ZDHHC5: variants seen among roughly 807,000 people sequenced by gnomAD.
ZDHHC5 encodes zDHHC palmitoyltransferase 5, also known as palmitoyltransferase ZDHHC5.
ZDHHC5 carries 22 observed loss-of-function variants against 70.0 expected under a neutral mutation model. That is an observed-to-expected ratio of 0.31 (90% CI 0.22 to 0.45). The LOEUF (loss-of-function observed/expected upper bound fraction) is 0.45. Ranked by LOEUF, ZDHHC5 falls within the 20% of genes least tolerant of loss-of-function variation. The pLI is 1.00. For missense variants in ZDHHC5, 746 were observed against 926.9 expected (o/e 0.80, Z 2.53); for synonymous variants, 313 against 347.8 (o/e 0.90, Z 1.11).
At chr11:57,686,896 T>A (rs1946214659) in intron 3 of ZDHHC5, among the ~76,000 whole-genome samples, 1 of 151,682 alleles carries the variant, frequency 6.6e-6, no homozygotes, top group Admixed American at 6.6e-5. Context: ...AGTGGCATGA[T>A]CTTGGCTTAC....
intron 4 of ZDHHC5, 152 bp downstream of exon 4, chr11:57,688,817 A>G (rs190860857): frequency 7.7e-6 from 6 of 778,154 alleles, no homozygotes. Flanking sequence ...TAATAATGAC[A>G]TGGCATGAGA....
intron 3 of ZDHHC5, among the ~76,000 whole-genome samples, chr11:57,685,968 T>C (rs1453149175): frequency 6.6e-6 from 1 of 152,170 alleles, no homozygotes; most frequent in African/African-American, 2.4e-5. Flanking sequence ...TGGAGGTTAC[T>C]GTGAGCTGAG....
chr11:57,698,001 G>T (rs1946377156), intron 10 of ZDHHC5, among the ~76,000 whole-genome samples: 1 of 151,920 alleles, frequency 6.6e-6, no homozygotes, highest in Non-Finnish European at 1.5e-5. Flanking sequence ...GGGCGTGGTG[G>T]CGGGGCGCCT....
At chr11:57,677,856 T>C (rs1378388238) in intron 2 of ZDHHC5, among the ~76,000 whole-genome samples, 1 of 152,192 alleles carries the variant, frequency 6.6e-6, no homozygotes, top group Non-Finnish European at 1.5e-5. Flanking sequence ...TGCCTTTTCC[T>C]TCTCACATTG....
intron 6 of ZDHHC5, among the ~76,000 whole-genome samples, chr11:57,691,191 G>C (rs1946281129): frequency 6.6e-6 from 1 of 151,736 alleles, no homozygotes; most frequent in South Asian, 2.1e-4. Context: ...CCTGCCTCAG[G>C]CTCCCAAGTA....
chr11:57,683,473 T>C (rs1048441692), intron 3 of ZDHHC5, among the ~76,000 whole-genome samples: 1 of 152,170 alleles, frequency 6.6e-6, no homozygotes, highest in Non-Finnish European at 1.5e-5. Flanking sequence ...TTATCTAGAG[T>C]AGTTTCAAGG....
Position 57,668,181 on chromosome 11 carries a change from C to T in ZDHHC5, c.-1077C>T. 5.5e-6 allele frequency: 2 copies of T among 366,340 alleles called. No individual in the cohort carries two copies. The highest frequency in any genetic ancestry group is 9.7e-6 in the Non-Finnish European group (2 of 205,592). 22.7% of individuals were successfully genotyped at this position (366,340 alleles called of 1,614,324 possible). ...GACGGCGGTGGTGACGGGCACCGGG[C>T]TCGCGGGTGAGTGCGGAGGACACCG... On this transcript the variant is annotated 5_prime_UTR_variant, in exon 1 of 12. Coordinates refer to ENST00000287169, the MANE Select transcript of ZDHHC5 (RefSeq NM_015457.3).
chr11:57,674,639 T>C (rs527934037), intron 2 of ZDHHC5, among the ~76,000 whole-genome samples: 1 of 152,182 alleles, frequency 6.6e-6, no homozygotes, highest in Non-Finnish European at 1.5e-5. Context: ...GAGGCAATTA[T>C]ACACAAGTTA....
chr11:57,672,504 A>G lies in ZDHHC5; in HGVS notation c.-587A>G. On this transcript the variant is annotated 5_prime_UTR_variant, in exon 2 of 12. Transcript: ENST00000287169. ...AAAAGAGACAAAGACTGCAGTAAACAAAGCTCCTCTTTAAAGTTGGAAGGG... is the reference window on the plus strand; with the variant it reads ...AAAAGAGACAAAGACTGCAGTAAACGAAGCTCCTCTTTAAAGTTGGAAGGG... 1 of 348,780 alleles carries G rather than the reference A, an allele frequency of 2.9e-6. No individual in the cohort carries two copies. The highest frequency in any genetic ancestry group is 5.1e-6 in the Non-Finnish European group (1 of 195,534). 21.6% of individuals were successfully genotyped at this position (348,780 alleles called of 1,614,324 possible). A position where few individuals can be genotyped will look rare whatever the true frequency, so the allele number is the denominator to read the frequency against.
intron 2 of ZDHHC5, among the ~76,000 whole-genome samples, chr11:57,676,704 A>T (rs1946075909): frequency 6.6e-6 from 1 of 151,730 alleles, no homozygotes; most frequent in Non-Finnish European, 1.5e-5. Flanking sequence ...TGAGGCTGGC[A>T]TATAGAGGCC....
Position 57,696,768 on chromosome 11 carries a change from C to T in ZDHHC5, c.1017C>T (p.Ser339=). The T allele has an allele frequency of 1.2e-6, 2 of 1,613,776 alleles. No homozygotes were observed. Among genetic ancestry groups the T allele is most frequent in the South Asian group, 1.1e-5 (1 of 91,078 alleles). The change falls in exon 10 of 12, where the codon AGC becomes AGT. Residue 339 remains serine, a synonymous_variant. Transcript: ENST00000287169. ...TGGCCTTTTTTCTTGCAGATAGTAGCTTATTGGCCAAGGACAGCCCCCCGA... is the reference window on the plus strand; with the variant it reads ...TGGCCTTTTTTCTTGCAGATAGTAGTTTATTGGCCAAGGACAGCCCCCCGA... ...HLGLATNEDS[S]LLAKDSPPTP...
intron 2 of ZDHHC5, among the ~76,000 whole-genome samples, chr11:57,676,845 G>C (rs182358828): frequency 4.4e-4 from 66 of 149,880 alleles, no homozygotes; most frequent in Middle Eastern, 3.5e-3. Flanking sequence ...GTCCAGTTAA[G>C]GTCTTATTTT....
intron 2 of ZDHHC5, among the ~76,000 whole-genome samples, chr11:57,679,358 C>T (rs541423934): frequency 6.6e-6 from 1 of 152,234 alleles, no homozygotes; most frequent in Admixed American, 6.5e-5. Flanking sequence ...GACAGAGTTT[C>T]ACCATGTTGG....
chr11:57,675,604 G>T (rs1042722078), intron 2 of ZDHHC5, among the ~76,000 whole-genome samples: 1 of 152,116 alleles, frequency 6.6e-6, no homozygotes, highest in African/African-American at 2.4e-5. Context: ...TCCCCCTGGC[G>T]CTAGTTTCCA....
intron 1 of ZDHHC5, 46 bp downstream of exon 1, chr11:57,668,233 C>G (rs1945949761): frequency 8.5e-6 from 3 of 353,966 alleles, no homozygotes; most frequent in Admixed American, 9.4e-5. Flanking sequence ...AAGTGCCGTA[C>G]CAGCGAGGTG....
chr11:57,692,732 C>T, intron 7 of ZDHHC5, 30 bp downstream of exon 7: 1 of 1,610,824 alleles, frequency 6.2e-7, no homozygotes, highest in Non-Finnish European at 8.5e-7. Flanking sequence ...CTAGTGTTTA[C>T]CATTGGTCAG....
In ZDHHC5 at chr11:57,688,670, G is replaced by A. The variant is rs1447280488; in HGVS notation, c.384+5G>A. 5.0e-6 allele frequency: 8 copies of A among 1,591,296 alleles called. No individual in the cohort carries two copies. The highest frequency in any genetic ancestry group is 6.9e-6 in the Non-Finnish European group (8 of 1,167,800). ...GTCTGTGACAACTGTGTGGAGGTAAGCACCCTGGGTGGGGTAAGACTTCAT... is the reference window on the plus strand; with the variant it reads ...GTCTGTGACAACTGTGTGGAGGTAAACACCCTGGGTGGGGTAAGACTTCAT... On this transcript the variant is annotated splice_donor_5th_base_variant and intron_variant, in intron 4 of 11. Coordinates refer to ENST00000287169, the MANE Select transcript of ZDHHC5 (RefSeq NM_015457.3).
At position 57,690,391 on chromosome 11, in the gene ZDHHC5, G is replaced by T; in HGVS notation, c.614G>T (p.Gly205Val). 2 of 1,614,166 alleles carry T rather than the reference G, an allele frequency of 1.2e-6. No homozygotes were observed. The highest frequency in any genetic ancestry group is 1.7e-6 in the Non-Finnish European group (2 of 1,180,038). ...LFFIPVAGLT[G>V]FHVVLVARGR... The stretch of plus-strand genomic sequence containing the variant: ...TTCATCCCTGTAGCTGGCCTCACGG[G>T]ATTTCACGTGGTTCTGGTGGCCAGG... The change falls in exon 6 of 12, where the codon GGA (glycine) becomes GTA (valine). Residue 205 changes from glycine (G) to valine (V), a missense_variant. Gly to Val is a moderately radical substitution (Grantham distance 109). Transcript: ENST00000287169.
At chr11:57,668,933 G>T (rs913036803) in intron 1 of ZDHHC5, among the ~76,000 whole-genome samples, 1 of 152,272 alleles carries the variant, frequency 6.6e-6, no homozygotes, top group Non-Finnish European at 1.5e-5. Flanking sequence ...TAGGAAGGCA[G>T]TTGTAGGATC....
Sources: allele counts gnomAD v4.1 joint callset (sites outside exome capture counted in the v4.1 genomes callset), GRCh38; gene constraint gnomAD v4.1.1; transcripts MANE v1.5; gene names NCBI Gene and HGNC (gene_info 2026-07-23, HGNC 2026-07-21).